The following TBCE variants were observed in gnomAD, a reference collection of about 807,000 sequenced individuals.
TBCE encodes tubulin-specific chaperone E.
In TBCE, 53 loss-of-function variants were observed where a neutral mutation model predicts 77.0. The observed-to-expected ratio is 0.69, with a 90% CI of 0.55 to 0.87. The LOEUF (loss-of-function observed/expected upper bound fraction) is 0.87. TBCE is among the 40% of genes least tolerant of loss of function. The pLI is 0.00. For synonymous variants in TBCE, 235 were observed against 241.3 expected (o/e 0.97, Z 0.24); for missense variants, 624 against 622.4 (o/e 1.00, Z -0.03).
intron 5 of TBCE, among the ~76,000 whole-genome samples, chr1:235,424,322 CTTTTTTTTTTTT>C (rs1160280902): frequency 1.6e-5 from 2 of 123,782 alleles, no homozygotes; most frequent in Non-Finnish European, 3.4e-5. Flanking sequence ...TCTTAGAGCT[CTTTTTTTTTTTT>C]TTTTTTTTGG....
chr1:235,429,722 A>AT (rs35728731), intron 6 of TBCE: 69,433 of 145,252 alleles, frequency 0.48, 16,674 homozygotes, highest in East Asian at 0.65. Context: ...GGCTTCCTCC[A>AT]TTTTTTTTTT....
chr1:235,406,208 G>A (rs917855070), intron 3 of TBCE, among the ~76,000 whole-genome samples: 4 of 152,186 alleles, frequency 2.6e-5, no homozygotes, highest in Admixed American at 1.3e-4. Flanking sequence ...TGGGTCTGAA[G>A]TGGTGGAGAA....
At chr1:235,418,113 C>A (rs911711636) in intron 4 of TBCE, among the ~76,000 whole-genome samples, 1 of 152,164 alleles carries the variant, frequency 6.6e-6, no homozygotes, top group Non-Finnish European at 1.5e-5. Context: ...TGGCTTATTT[C>A]ACCTAGCATA....
In TBCE at chr1:235,380,142, C is replaced by T. The variant is rs1266066372; in HGVS notation, c.93C>T (p.Pro31=). ...TACGTTTTGCTGGTGTTGTCCCTCC[C>T]GTGGCAGGTAAGCAATTATTGTGTG... ...ATVRFAGVVP[P]VAGPWLGVEW... The change falls in exon 2 of 17, where the codon CCC becomes CCT. Residue 31 remains proline (P), a synonymous_variant. Coordinates refer to ENST00000642610, the MANE Select transcript of TBCE (RefSeq NM_003193.5). 7.5e-6 allele frequency: 12 copies of T among 1,609,170 alleles called. No individual in the cohort carries two copies. The highest frequency in any genetic ancestry group is 2.2e-5 in the South Asian group (2 of 90,968).
chr1:235,430,711 T>C lies in TBCE; in HGVS notation c.567T>C (p.Asn189=), dbSNP rs1681036468. Residue 189 remains asparagine, a synonymous_variant, in exon 7 of 17, where the codon AAT becomes AAC. Coordinates refer to ENST00000642610, the MANE Select transcript of TBCE (RefSeq NM_003193.5). The part of the protein sequence containing the change: ...RHLEVLNVSE[N]KLKFPSGSVL... The stretch of plus-strand genomic sequence containing the variant: ...ATCTTTTTTTTCTACACAGTGAAAA[T>C]AAACTAAAATTTCCCTCCGGTTCAG... The C allele has an allele frequency of 6.2e-7, 1 of 1,611,628 alleles. No individual in the cohort carries two copies. The highest frequency in any genetic ancestry group is 8.5e-7 in the Non-Finnish European group (1 of 1,178,368).
chr1:235,441,671 A>G (rs947691287), intron 13 of TBCE, 143 bp from the exon 14 acceptor site: 9 of 708,796 alleles, frequency 1.3e-5, no homozygotes, highest in Middle Eastern at 2.4e-4. Flanking sequence ...CCTAAAAATC[A>G]CACTGAATAA....
chr1:235,409,412 T>C (rs1679645825), intron 3 of TBCE, among the ~76,000 whole-genome samples: 1 of 152,196 alleles, frequency 6.6e-6, no homozygotes, highest in Non-Finnish European at 1.5e-5. Flanking sequence ...AGAATCTCAG[T>C]GGAGTCTATG....
intron 2 of TBCE, among the ~76,000 whole-genome samples, chr1:235,391,530 C>T (rs1678389948): frequency 6.7e-6 from 1 of 149,816 alleles, no homozygotes; most frequent in South Asian, 2.1e-4. Flanking sequence ...GTATAATGGA[C>T]ACCTGTATAT....
intron 1 of TBCE, among the ~76,000 whole-genome samples, chr1:235,367,734 A>G (rs1676631478): frequency 6.6e-6 from 1 of 152,172 alleles, no homozygotes; most frequent in African/African-American, 2.4e-5. Flanking sequence ...TAGCATTTTA[A>G]GCTTCTCTCA....
chr1:235,368,257 G>A (rs1558337301), intron 1 of TBCE, among the ~76,000 whole-genome samples: 1 of 152,240 alleles, frequency 6.6e-6, no homozygotes, highest in East Asian at 1.9e-4. Context: ...ACTGTTCTAA[G>A]TTGTGGGTGG....
chr1:235,436,036 A>T (rs959431126), intron 9 of TBCE, 196 bp downstream of exon 9: 3 of 619,946 alleles, frequency 4.8e-6, no homozygotes, highest in Non-Finnish European at 5.7e-6. Flanking sequence ...AATGTGGACT[A>T]TGTCTGTACC....
Position 235,434,257 on chromosome 1 carries a change from T to C in TBCE, c.714T>C (p.Ser238=). ...GCCTGGAGGAACTCTACCTTGAGTC[T>C]AACAACATTTTCATTTCCGAAAGGT... ...CPGLEELYLE[S]NNIFISERPT... The change falls in exon 8 of 17, where the codon TCT becomes TCC. Residue 238 remains serine (S), a synonymous_variant. Transcript: ENST00000642610. 2 of 1,614,198 alleles carry C rather than the reference T, an allele frequency of 1.2e-6. No homozygotes were observed. Among genetic ancestry groups the C allele is most frequent in the Non-Finnish European group, 1.7e-6 (2 of 1,180,012 alleles).
chr1:235,419,692 G>T, intron 5 of TBCE, 131 bp downstream of exon 5: 1 of 1,265,650 alleles, frequency 7.9e-7, no homozygotes, highest in Non-Finnish European at 1.1e-6. Context: ...GTTTTGCTTG[G>T]TGTAGTTGGG....
chr1:235,375,458 C>A (rs1018764245), intron 1 of TBCE, among the ~76,000 whole-genome samples: 13 of 151,920 alleles, frequency 8.6e-5, no homozygotes, highest in African/African-American at 3.1e-4. Context: ...CAGCTGACTG[C>A]AGGTCATTTT....
intron 3 of TBCE, among the ~76,000 whole-genome samples, chr1:235,406,991 C>G (rs562974627): frequency 6.6e-6 from 1 of 151,952 alleles, no homozygotes; most frequent in South Asian, 2.1e-4. Flanking sequence ...AGTGCCACCA[C>G]GCCTGGCTAA....
rs1444178399 is a variant in TBCE, at chr1:235,414,508, C to T, written c.261C>T (p.Asn87=). The change falls in exon 4 of 17, where the codon AAC becomes AAT. Residue 87 remains asparagine, a synonymous_variant. Coordinates refer to ENST00000642610, the MANE Select transcript of TBCE (RefSeq NM_003193.5). ...FGTDFLTAIK[N]RYVLEDGPEE... The stretch of plus-strand genomic sequence containing the variant: ...CAGACTTTCTTACTGCAATTAAGAA[C>T]CGCTATGTGTTAGAAGATGGACCAG... 9.9e-6 allele frequency: 16 copies of T among 1,613,572 alleles called. No individual in the cohort carries two copies. Among genetic ancestry groups the T allele is most frequent in the Non-Finnish European group, 1.3e-5 (15 of 1,179,928 alleles).
intron 15 of TBCE, among the ~76,000 whole-genome samples, chr1:235,445,011 G>A (rs1377232339): frequency 6.6e-6 from 1 of 152,212 alleles, no homozygotes; most frequent in African/African-American, 2.4e-5. Context: ...CAGGTCTTCT[G>A]AGATTCAGTT....
chr1:235,407,383 G>A (rs1679509516), intron 3 of TBCE, among the ~76,000 whole-genome samples: 1 of 152,064 alleles, frequency 6.6e-6, no homozygotes, highest in Non-Finnish European at 1.5e-5. Flanking sequence ...GCCGTGTCCT[G>A]TCTAGTACAT....
intron 1 of TBCE, among the ~76,000 whole-genome samples, chr1:235,373,129 A>G (rs1677075690): frequency 6.6e-6 from 1 of 151,898 alleles, no homozygotes; most frequent in Non-Finnish European, 1.5e-5. Flanking sequence ...CCAGGAGTTA[A>G]AGACCAGCCT....
Sources: allele counts gnomAD v4.1 joint callset (sites outside exome capture counted in the v4.1 genomes callset), GRCh38; gene constraint gnomAD v4.1.1; transcripts MANE v1.5; gene names NCBI Gene and HGNC (gene_info 2026-07-23, HGNC 2026-07-21).